Variants in PDLIM5 observed in about 807,000 individuals in gnomAD.
PDLIM5 encodes PDZ and LIM domain protein 5.
Under a neutral mutation model 64.2 loss-of-function variants are expected in PDLIM5, and 34 were observed. That is an observed-to-expected ratio of 0.53 (90% CI 0.40 to 0.71). The LOEUF (loss-of-function observed/expected upper bound fraction) is 0.71. Ranked by LOEUF, PDLIM5 falls within the 30% of genes least tolerant of loss-of-function variation. The pLI, the probability that PDLIM5 is intolerant of heterozygous loss-of-function variation, is 0.00. For missense variants in PDLIM5, 683 were observed against 733.6 expected (o/e 0.93, Z 0.80); for synonymous variants, 253 against 269.1 (o/e 0.94, Z 0.59).
intron 7 of PDLIM5, among the ~76,000 whole-genome samples, chr4:94,614,900 C>A (rs1346176198): frequency 6.6e-6 from 1 of 152,110 alleles, no homozygotes; most frequent in East Asian, 1.9e-4. Flanking sequence ...ACCCTGCACC[C>A]AAGTGATCCA....
chr4:94,456,919 C>G (rs747924052), intron 2 of PDLIM5: 1 of 1,002,330 alleles, frequency 1.0e-6, no homozygotes, highest in African/African-American at 1.7e-5. Flanking sequence ...CTGTGCTGTG[C>G]GCTCACATGA....
intron 3 of PDLIM5, among the ~76,000 whole-genome samples, chr4:94,569,055 A>G (rs2110265268): frequency 6.6e-6 from 1 of 152,194 alleles, no homozygotes; most frequent in South Asian, 2.1e-4. Context: ...ACACGATTCT[A>G]TATAATTTTG....
intron 2 of PDLIM5, among the ~76,000 whole-genome samples, chr4:94,508,225 T>C (rs1287882927): frequency 6.6e-6 from 1 of 152,208 alleles, no homozygotes; most frequent in Middle Eastern, 3.2e-3. Flanking sequence ...AAATCAATGC[T>C]GTGTGACGAG....
intron 12 of PDLIM5, among the ~76,000 whole-genome samples, chr4:94,662,982 T>G (rs1009958783): frequency 6.6e-6 from 1 of 152,198 alleles, no homozygotes; most frequent in Non-Finnish European, 1.5e-5. Context: ...CAATAGCCCC[T>G]GGATATTCTT....
intron 8 of PDLIM5, among the ~76,000 whole-genome samples, chr4:94,635,156 G>A (rs1337966167): frequency 6.6e-6 from 1 of 152,144 alleles, no homozygotes; most frequent in African/African-American, 2.4e-5. Flanking sequence ...GGTTTGGAGA[G>A]AAGCTAATGG....
chr4:94,581,963 C>T (rs1274688586), intron 5 of PDLIM5, among the ~76,000 whole-genome samples: 1 of 152,100 alleles, frequency 6.6e-6, no homozygotes, highest in Non-Finnish European at 1.5e-5. Context: ...ATGGAATTCC[C>T]ACAAATCACT....
chr4:94,599,758 A>C (rs955256259), intron 7 of PDLIM5, among the ~76,000 whole-genome samples: 1 of 152,150 alleles, frequency 6.6e-6, no homozygotes, highest in Admixed American at 6.6e-5. Context: ...AACAGTGGGA[A>C]GGCCCTATAG....
chr4:94,660,025 G>A (rs999562895), intron 11 of PDLIM5, among the ~76,000 whole-genome samples: 1 of 149,422 alleles, frequency 6.7e-6, no homozygotes, highest in Non-Finnish European at 1.5e-5. Flanking sequence ...CCTCTCAAGT[G>A]GCTGGGATTA....
intron 9 of PDLIM5, among the ~76,000 whole-genome samples, chr4:94,645,074 A>G (rs796456063): frequency 2.6e-5 from 4 of 152,148 alleles, no homozygotes; most frequent in African/African-American, 7.2e-5. Context: ...CCCACTTCCC[A>G]TCCTTTCCCC....
chr4:94,487,583 C>G (rs866218563), intron 2 of PDLIM5, among the ~76,000 whole-genome samples: 3 of 152,116 alleles, frequency 2.0e-5, no homozygotes, highest in African/African-American at 7.2e-5. Context: ...TATATACATC[C>G]GAAAAGTCGC....
intron 3 of PDLIM5, among the ~76,000 whole-genome samples, chr4:94,537,300 A>G (rs1179548652): frequency 6.6e-6 from 1 of 152,140 alleles, no homozygotes; most frequent in Non-Finnish European, 1.5e-5. Flanking sequence ...TTCCTGTTAC[A>G]ATGAATGTGA....
At chr4:94,610,300 A>G (rs1254846644) in intron 7 of PDLIM5, 3 of 1,511,090 alleles carry the variant, frequency 2.0e-6, no homozygotes, top group Non-Finnish European at 2.6e-6. Context: ...TGCTACAAAA[A>G]CCAGGTAGAA....
chr4:94,559,093 C>G (rs1479707048), intron 3 of PDLIM5, among the ~76,000 whole-genome samples: 1 of 152,144 alleles, frequency 6.6e-6, no homozygotes, highest in East Asian at 1.9e-4. Flanking sequence ...GACCAACTTA[C>G]TGTTTTCTAT....
intron 7 of PDLIM5, chr4:94,587,002 C>T (rs755110520): frequency 1.9e-6 from 3 of 1,592,846 alleles, no homozygotes; most frequent in East Asian, 4.5e-5. Flanking sequence ...AAAGATACCC[C>T]TTCACGTCTT....
In PDLIM5 at chr4:94,530,287, A is replaced by T. The variant is rs543807469; in HGVS notation, c.248+6412A>T. Reference sequence around the variant, plus strand: ...GCTTGCTATTAGATCAAACCAACTTAAGTTTGCTTATTTTGGCTGAGAGAA... The same window carrying T: ...GCTTGCTATTAGATCAAACCAACTTTAGTTTGCTTATTTTGGCTGAGAGAA... On this transcript the variant is annotated intron_variant, in intron 3 of 12. Transcript: ENST00000317968. 6.2e-4 allele frequency among the ~76,000 whole-genome samples: 94 copies of T among 152,172 alleles called. 1 individual carries two copies. The South Asian group carries it at 9.7e-3, about 16-fold the overall frequency.
At chr4:94,640,952 A>G (rs1014189222) in intron 9 of PDLIM5, among the ~76,000 whole-genome samples, 2 of 152,354 alleles carry the variant, frequency 1.3e-5, no homozygotes, top group African/African-American at 4.8e-5. Context: ...ATGTTAGATT[A>G]CGTAATGACC....
intron 7 of PDLIM5, among the ~76,000 whole-genome samples, chr4:94,610,753 GT>G (rs756474199): frequency 6.6e-6 from 1 of 152,080 alleles, no homozygotes; most frequent in Non-Finnish European, 1.5e-5. Flanking sequence ...AATTGGTTTT[GT>G]TTTCGTGGTT....
At chr4:94,593,016 A>G (rs1318074190) in intron 7 of PDLIM5, among the ~76,000 whole-genome samples, 2 of 152,122 alleles carry the variant, frequency 1.3e-5, no homozygotes, top group African/African-American at 2.4e-5. Context: ...CTGAACTTAC[A>G]TGCTACACAA....
intron 7 of PDLIM5, among the ~76,000 whole-genome samples, chr4:94,616,547 C>A (rs943078772): frequency 6.6e-6 from 1 of 152,182 alleles, no homozygotes; most frequent in Non-Finnish European, 1.5e-5. Flanking sequence ...TAATTTCAAA[C>A]CCTGATTCCA....
Sources: allele counts gnomAD v4.1 joint callset (sites outside exome capture counted in the v4.1 genomes callset), GRCh38; gene constraint gnomAD v4.1.1; transcripts MANE v1.5; gene names NCBI Gene and HGNC (gene_info 2026-07-23, HGNC 2026-07-21).